PCDHGB4: variants seen among roughly 807,000 people sequenced by gnomAD.
PCDHGB4 encodes protocadherin gamma-B4.
A neutral mutation model predicts 60.5 loss-of-function variants in PCDHGB4; 38 were observed. That is an observed-to-expected ratio of 0.63 (90% CI 0.48 to 0.82). The LOEUF is 0.82. Ranked by LOEUF, PCDHGB4 falls within the 40% of genes least tolerant of loss-of-function variation. The probability of loss-of-function intolerance (pLI) is 0.00; values close to 1 mark genes in which losing one functional copy is unlikely to be tolerated. For synonymous variants in PCDHGB4, 456 were observed against 509.7 expected, an observed-to-expected ratio of 0.89 and a Z score of 1.42; for missense variants, 1,109 against 1,209.6, an observed-to-expected ratio of 0.92 and a Z score of 1.23.
chr5:141,444,194 G>A (rs1209269773), intron 1 of PCDHGB4, among the ~76,000 whole-genome samples: 1 of 67,352 alleles, frequency 1.5e-5, no homozygotes, highest in Non-Finnish European at 2.7e-5. Flanking sequence ...TTTTTGAGAT[G>A]GAGTTTCACT....
At position 141,389,805 on chromosome 5, in the gene PCDHGB4, C is replaced by G. The variant is rs1222548961; in HGVS notation, c.1921C>G (p.Leu641Val). 6.2e-7 allele frequency: 1 copy of G among 1,613,802 alleles called. No individual in the cohort carries two copies. Among genetic ancestry groups the G allele is most frequent in the East Asian group, 2.2e-5 (1 of 44,884 alleles). ...CAGGGACGCCGTCCGCCAGCGCCTT[C>G]TGGTCGCCGTGCGTGACGGTGGACA... ...GDRDAVRQRL[L>V]VAVRDGGQPP... Residue 641 changes from leucine to valine, a missense_variant, in exon 1 of 4, where the codon CTG becomes GTG. By Grantham distance (32) the Leu-to-Val change is conservative (BLOSUM62 1). Coordinates refer to ENST00000519479, the MANE Select transcript of PCDHGB4 (RefSeq NM_003736.4).
At chr5:141,398,500 G>A (rs1366423528) in intron 1 of PCDHGB4, 1 of 1,607,950 alleles carries the variant, frequency 6.2e-7, no homozygotes, top group African/African-American at 1.4e-5. Context: ...GGAGATCGAG[G>A]ACATTAATGA....
chr5:141,440,618 C>G (rs1287745652), intron 1 of PCDHGB4: 3 of 152,196 alleles, frequency 2.0e-5, no homozygotes, highest in South Asian at 2.1e-4. Context: ...GCAGAAGATC[C>G]TGATGTTGAG....
chr5:141,464,773 C>G (rs576769467), intron 1 of PCDHGB4, among the ~76,000 whole-genome samples: 79 of 152,106 alleles, frequency 5.2e-4, no homozygotes, highest in African/African-American at 1.9e-3. Context: ...GAATCTTGTT[C>G]TGTTGCCCAG....
intron 1 of PCDHGB4, chr5:141,428,021 C>T: frequency 1.2e-6 from 2 of 1,605,604 alleles, no homozygotes; most frequent in Non-Finnish European, 1.7e-6. Context: ...TGCCACGCGC[C>T]GCAGAGTCCG....
intron 2 of PCDHGB4, among the ~76,000 whole-genome samples, chr5:141,504,870 AG>A (rs1453764331): frequency 6.6e-6 from 1 of 151,996 alleles, no homozygotes; most frequent in Non-Finnish European, 1.5e-5. Context: ...CCACCTTCAC[AG>A]TCCTCTGGAG....
Position 141,476,735 on chromosome 5 carries a change from G to C in PCDHGB4, c.2398-18072G>C, listed in dbSNP as rs1267556668. The C allele has an allele frequency of 6.2e-7, 1 of 1,613,974 alleles. No individual in the cohort carries two copies. Among genetic ancestry groups the C allele is most frequent in the African/African-American group, 1.3e-5 (1 of 74,940 alleles). On this transcript the variant is annotated intron_variant, in intron 1 of 3. Coordinates refer to ENST00000519479, the MANE Select transcript of PCDHGB4 (RefSeq NM_003736.4). This position sits in a 1 kb window ranked among gnomAD's most constrained non-coding sequence, Gnocchi z 7.6. ...GGAGCGCGCCCTGGACCGAGAACGG[G>C]AGCCTAGTCTCCAGTTAGTGCTGAC...
chr5:141,497,060 G>A (rs1244885752), intron 2 of PCDHGB4, among the ~76,000 whole-genome samples: 1 of 151,952 alleles, frequency 6.6e-6, no homozygotes, highest in African/African-American at 2.4e-5. Context: ...GTGGTGGCAG[G>A]CACCTGTAAT....
intron 1 of PCDHGB4, chr5:141,421,355 G>C (rs1561793348): frequency 6.2e-7 from 1 of 1,613,990 alleles, no homozygotes. Flanking sequence ...ACCGAAAAGG[G>C]CTCCTTCGTG....
rs201006002 is a variant in PCDHGB4, at chr5:141,432,497, C to G, written c.2397+42216C>G. Reference sequence around the variant, plus strand: ...TTCCACTGGCGTGGAGCTGGCTCCCCGCTCCGCAGAGCCCGGCTACCTGGT... The same window carrying G: ...TTCCACTGGCGTGGAGCTGGCTCCCGGCTCCGCAGAGCCCGGCTACCTGGT... On this transcript the variant is annotated intron_variant, in intron 1 of 3. Transcript: ENST00000519479. This position sits in a 1 kb window ranked among gnomAD's most constrained non-coding sequence, Gnocchi z 6.0. The G allele has an allele frequency of 1.1e-5, 18 of 1,614,182 alleles. No homozygotes were observed. In the East Asian group the frequency reaches 4.0e-4, roughly 36 times the overall value.
Position 141,511,309 on chromosome 5 carries a change from G to C in PCDHGB4, c.*136G>C. The stretch of plus-strand genomic sequence containing the variant: ...GGGGCCAAGGCCATGCTCCCCTTGG[G>C]AAACAGAAACAAGTGCCCAGTCAGC... On this transcript the variant is annotated 3_prime_UTR_variant, in exon 4 of 4. Coordinates refer to ENST00000519479, the MANE Select transcript of PCDHGB4 (RefSeq NM_003736.4). 4.0e-6 allele frequency: 6 copies of C among 1,485,470 alleles called. No homozygotes were observed. Among genetic ancestry groups the C allele is most frequent in the Non-Finnish European group, 4.5e-6 (5 of 1,113,432 alleles). 92.0% of individuals were successfully genotyped at this position (1,485,470 alleles called of 1,614,324 possible).
chr5:141,487,798 G>A lies in PCDHGB4; in HGVS notation c.2398-7009G>A, dbSNP rs1197016007. 6.7e-7 allele frequency: 1 copy of A among 1,498,792 alleles called. No homozygotes were observed. Among genetic ancestry groups the A allele is most frequent in the South Asian group, 1.3e-5 (1 of 78,368 alleles). 92.8% of individuals were successfully genotyped at this position (1,498,792 alleles called of 1,614,324 possible). On this transcript the variant is annotated intron_variant, in intron 1 of 3. Coordinates refer to ENST00000519479, the MANE Select transcript of PCDHGB4 (RefSeq NM_003736.4). The surrounding 1 kb of genome is among the most constrained non-coding windows in gnomAD (Gnocchi z 5.0). ...ACTGTTTCGTGAATTAACCAGAGTT[G>A]TCACAGTTTAGCATTGGGGGCGGGT...
In PCDHGB4 at chr5:141,431,746, G is replaced by C. The variant is rs780453684; in HGVS notation, c.2397+41465G>C. 6.2e-7 allele frequency: 1 copy of C among 1,614,062 alleles called. No individual in the cohort carries two copies. Among genetic ancestry groups the C allele is most frequent in the African/African-American group, 1.3e-5 (1 of 74,932 alleles). On this transcript the variant is annotated intron_variant, in intron 1 of 3. Transcript: ENST00000519479. The surrounding 1 kb of genome is among the most constrained non-coding windows in gnomAD (Gnocchi z 4.8). ...CAATGGATAATGCAGGATATTCTGC[G>C]CGAGCCAAAGTCCTGATCACTGTTC... is the stretch of plus-strand genomic sequence containing the variant.
chr5:141,428,361 C>G, intron 1 of PCDHGB4: 2 of 556,764 alleles, frequency 3.6e-6, no homozygotes, highest in Non-Finnish European at 6.6e-6. Context: ...TTTTGGCGGT[C>G]GCCTTGCACC....
chr5:141,407,808 C>A (rs1182707356), intron 1 of PCDHGB4, among the ~76,000 whole-genome samples: 1 of 152,136 alleles, frequency 6.6e-6, no homozygotes, highest in Non-Finnish European at 1.5e-5. Flanking sequence ...ATAGAAATAT[C>A]TACTATAATA....
At chr5:141,430,551 C>T (rs2097292247) in intron 1 of PCDHGB4, 2 of 406,412 alleles carry the variant, frequency 4.9e-6, no homozygotes, top group Admixed American at 4.1e-5. Context: ...CCGCTGTTCA[C>T]CAATCGGGGA....
At chr5:141,418,149 AAG>A (rs768024698) in intron 1 of PCDHGB4, 1 of 1,613,982 alleles carries the variant, frequency 6.2e-7, no homozygotes, top group Non-Finnish European at 8.5e-7. Flanking sequence ...CAAATATGCA[AAG>A]AGAGAAGAAG....
rs1388425962 is a variant in PCDHGB4, at chr5:141,388,652, C to A, written c.768C>A (p.Tyr256Ter). 6.2e-7 allele frequency: 1 copy of A among 1,613,844 alleles called. No individual in the cohort carries two copies. The highest frequency in any genetic ancestry group is 8.5e-7 in the Non-Finnish European group (1 of 1,179,834). The change falls in exon 1 of 4, where the codon TAC (tyrosine) becomes TAA (stop). Residue 256 changes from tyrosine (Y) to a stop codon, truncating the protein, a stop_gained. Coordinates refer to ENST00000519479, the MANE Select transcript of PCDHGB4 (RefSeq NM_003736.4). LOFTEE classifies it high-confidence loss of function. ...VYRVSLSENV[Y>*]PGTTVLQVTA... is the part of the protein sequence containing the mutation. ...GGGTGAGCCTTTCAGAAAACGTGTA[C>A]CCGGGGACCACGGTGCTACAGGTGA...
chr5:141,421,538 T>A, intron 1 of PCDHGB4: 2 of 1,614,028 alleles, frequency 1.2e-6, no homozygotes, highest in Non-Finnish European at 1.7e-6. Context: ...TCCTCCTGTT[T>A]TTTAAATATG....
Sources: allele counts gnomAD v4.1 joint callset (sites outside exome capture counted in the v4.1 genomes callset), GRCh38; gene constraint gnomAD v4.1.1; non-coding constraint Gnocchi (gnomAD v3.1); transcripts MANE v1.5; gene names NCBI Gene and HGNC (gene_info 2026-07-23, HGNC 2026-07-21).